Variants in TPTE observed in about 807,000 individuals in gnomAD.
TPTE encodes putative tyrosine-protein phosphatase TPTE.
Under a neutral mutation model 84.1 loss-of-function variants are expected in TPTE, and 59 were observed. The ratio of observed to expected loss-of-function variants is 0.70; its 90% CI spans 0.57 to 0.87. The LOEUF is 0.87. Ranked by LOEUF, TPTE falls within the 40% of genes least tolerant of loss-of-function variation. TPTE has a pLI of 0.00. For missense variants in TPTE, 382 were observed against 659.6 expected (o/e 0.58, Z 4.61); for synonymous variants, 130 against 223.5 (o/e 0.58, Z 3.73).
intron 19 of TPTE, 56 bp from the exon 20 acceptor site, chr21:10,595,926 A>G: frequency 1.3e-6 from 2 of 1,563,822 alleles, no homozygotes; most frequent in Non-Finnish European, 1.7e-6. Flanking sequence ...AAAAAAAGGA[A>G]TGCCGACTTT....
Position 10,550,048 on chromosome 21 carries a change from ATAT to A in TPTE, c.174-2605_174-2603del, listed in dbSNP as rs1276850725. ...AAAGAAAAAAATCTTTCAGCCAAGA[ATAT>A]TATAGCCAGCACAGCTATCCTTTAC... On this transcript the variant is annotated intron_variant, in intron 7 of 23. Transcript: ENST00000618007. 4.6e-5 allele frequency among the ~76,000 whole-genome samples: 7 copies of A among 152,424 alleles called. No individual in the cohort carries two copies. In the East Asian group the frequency reaches 1.2e-3, roughly 25 times the overall value.
chr21:10,566,226 A>G (rs1463264423), intron 10 of TPTE, among the ~76,000 whole-genome samples: 1 of 152,310 alleles, frequency 6.6e-6, no homozygotes, highest in African/African-American at 2.4e-5. Flanking sequence ...CAAAATATAC[A>G]GATGGTAAAC....
chr21:10,535,807 C>T (rs1332836676), intron 3 of TPTE, among the ~76,000 whole-genome samples: 2 of 152,310 alleles, frequency 1.3e-5, no homozygotes, highest in East Asian at 1.9e-4. Context: ...CAAACCCAAA[C>T]CCACAATCAT....
chr21:10,546,755 C>T (rs1431831665), intron 7 of TPTE, among the ~76,000 whole-genome samples: 17 of 152,302 alleles, frequency 1.1e-4, no homozygotes, highest in African/African-American at 4.1e-4. Context: ...AAGGCCCTCA[C>T]TCTCTTTGAT....
At chr21:10,541,083 G>T (rs1350221405) in intron 4 of TPTE, 29 bp from the exon 5 acceptor site, 1 of 1,612,494 alleles carries the variant, frequency 6.2e-7, no homozygotes. Flanking sequence ...TACGCATTGG[G>T]TCTGACTCTG....
At chr21:10,541,636 A>G (rs1197312059) in intron 5 of TPTE, among the ~76,000 whole-genome samples, 1 of 152,310 alleles carries the variant, frequency 6.6e-6, no homozygotes, top group Non-Finnish European at 1.5e-5. Context: ...TAACTTCCAC[A>G]TTTTTACATT....
chr21:10,588,947 C>A (rs1188768866), intron 17 of TPTE, among the ~76,000 whole-genome samples: 4 of 152,298 alleles, frequency 2.6e-5, no homozygotes, highest in Admixed American at 6.5e-5. Context: ...AACCTTGAAT[C>A]TCATTGAGCT....
At chr21:10,543,774 C>T (rs1360163474) in intron 7 of TPTE, among the ~76,000 whole-genome samples, 1 of 152,296 alleles carries the variant, frequency 6.6e-6, no homozygotes, top group Non-Finnish European at 1.5e-5. Context: ...ATTCAGGTTT[C>T]CTGAGTTTGA....
intron 4 of TPTE, 67 bp from the exon 5 acceptor site, chr21:10,541,045 G>A: frequency 6.3e-7 from 1 of 1,586,694 alleles, no homozygotes; most frequent in South Asian, 1.1e-5. Context: ...TAGACTAACT[G>A]TAGCTATTTG....
intron 10 of TPTE, among the ~76,000 whole-genome samples, chr21:10,564,587 A>G (rs9982941): frequency 2.5e-3 from 382 of 152,250 alleles, no homozygotes; most frequent in African/African-American, 8.8e-3. Context: ...ATAAATATTG[A>G]TGCAAAAATC....
chr21:10,603,201 A>G (rs210500), intron 22 of TPTE, among the ~76,000 whole-genome samples: 22,219 of 131,634 alleles, frequency 0.17, 17 homozygotes, highest in African/African-American at 0.43. Context: ...CTGAGGCAAC[A>G]AAAAAATTAC....
intron 1 of TPTE, among the ~76,000 whole-genome samples, chr21:10,523,919 G>A (rs1436712284): frequency 1.3e-5 from 2 of 152,306 alleles, no homozygotes; most frequent in Non-Finnish European, 2.9e-5. Context: ...CACCAACAGT[G>A]TAAAAGTGTT....
intron 20 of TPTE, among the ~76,000 whole-genome samples, chr21:10,597,561 T>A (rs551345127): frequency 6.6e-5 from 10 of 152,408 alleles, no homozygotes; most frequent in Non-Finnish European, 1.2e-4. Flanking sequence ...ATTACAGGCA[T>A]GTGCCACCAC....
At chr21:10,565,756 C>G (rs1458655920) in intron 10 of TPTE, among the ~76,000 whole-genome samples, 1 of 152,310 alleles carries the variant, frequency 6.6e-6, no homozygotes, top group East Asian at 1.9e-4. Flanking sequence ...GTACATTGAA[C>G]AAAAGACATC....
chr21:10,522,107 C>T (rs1336426089), intron 1 of TPTE, among the ~76,000 whole-genome samples: 1 of 152,038 alleles, frequency 6.6e-6, no homozygotes, highest in East Asian at 1.9e-4. Context: ...GCGGAGGCTC[C>T]CGCGCCGCCC....
chr21:10,539,518 AT>A (rs1170598807), intron 4 of TPTE, among the ~76,000 whole-genome samples: 1 of 152,310 alleles, frequency 6.6e-6, no homozygotes, highest in African/African-American at 2.4e-5. Context: ...TTTAAAAGAA[AT>A]TCACCCACAA....
chr21:10,526,555 A>G (rs2074082756), intron 2 of TPTE, among the ~76,000 whole-genome samples: 1 of 152,310 alleles, frequency 6.6e-6, no homozygotes, highest in Admixed American at 6.5e-5. Context: ...AAAAAAATGT[A>G]TGTGATCAGT....
chr21:10,564,903 G>A (rs1454371662), intron 10 of TPTE, among the ~76,000 whole-genome samples: 16 of 152,402 alleles, frequency 1.0e-4, no homozygotes, highest in Admixed American at 2.6e-4. Context: ...CGTACTGAAT[G>A]GGGAAAAAAT....
At chr21:10,590,936 AC>A (rs1295880860) in intron 18 of TPTE, among the ~76,000 whole-genome samples, 197 of 151,532 alleles carry the variant, frequency 1.3e-3, no homozygotes, top group African/African-American at 4.6e-3. Flanking sequence ...ACAGAAAAAA[AC>A]ATTCAGTAAT....
Sources: allele counts gnomAD v4.1 joint callset (sites outside exome capture counted in the v4.1 genomes callset), GRCh38; gene constraint gnomAD v4.1.1; transcripts MANE v1.5; gene names NCBI Gene and HGNC (gene_info 2026-07-23, HGNC 2026-07-21).